Variants in LINGO1 observed in about 807,000 individuals in gnomAD.
The protein encoded by LINGO1 is leucine-rich repeat and immunoglobulin-like domain-containing nogo receptor-interacting protein 1.
A neutral mutation model predicts 37.3 loss-of-function variants in LINGO1; 11 were observed. That is an observed-to-expected ratio of 0.29 (90% confidence interval 0.19 to 0.49). The LOEUF (loss-of-function observed/expected upper bound fraction) is 0.49, where lower values mean the gene tolerates loss of function less well. Ranked by LOEUF, LINGO1 falls within the 20% of genes least tolerant of loss-of-function variation. The pLI is 0.99. For missense variants in LINGO1, 585 were observed against 878.2 expected (o/e 0.67, Z 4.22); for synonymous variants, 387 against 403.0 (o/e 0.96, Z 0.48).
At chr15:77,619,081 G>A (rs887539860) in intron 1 of LINGO1, among the ~76,000 whole-genome samples, 6 of 152,224 alleles carry the variant, frequency 3.9e-5, no homozygotes, top group African/African-American at 1.4e-4. Context: ...GAGCTTCCTA[G>A]TGACCTTGAG....
At chr15:77,693,845 C>A (rs1312057733) in intron 1 of LINGO1, among the ~76,000 whole-genome samples, 2 of 152,084 alleles carry the variant, frequency 1.3e-5, no homozygotes, top group Non-Finnish European at 2.9e-5. Flanking sequence ...GGAGCTTCTA[C>A]CATAGACAAG....
intron 1 of LINGO1, among the ~76,000 whole-genome samples, chr15:77,812,800 T>C (rs1426291978): frequency 6.6e-6 from 1 of 152,360 alleles, no homozygotes; most frequent in East Asian, 1.9e-4. Context: ...GGCTAGTGAC[T>C]GGGTGGCCCC....
intron 3 of LINGO1, among the ~76,000 whole-genome samples, chr15:77,654,089 C>T (rs2074818457): frequency 6.6e-6 from 1 of 152,212 alleles, no homozygotes; most frequent in South Asian, 2.1e-4. Context: ...CAAGAGAAGG[C>T]TTTAAGACCC....
intron 1 of LINGO1, among the ~76,000 whole-genome samples, chr15:77,776,498 C>CAGGAAGGGAGGAAGGGAGGGAGGG (rs2076648229): frequency 1.6e-5 from 1 of 61,026 alleles, no homozygotes; most frequent in African/African-American, 7.6e-5. Flanking sequence ...AGCAGGAAGG[C>CAGGAAGGGAGGAAGGGAGGGAGGG]AGGAAGGCAG....
chr15:77,770,390 C>G (rs1024689399), intron 1 of LINGO1, among the ~76,000 whole-genome samples: 4 of 152,058 alleles, frequency 2.6e-5, no homozygotes, highest in Admixed American at 2.0e-4. Flanking sequence ...GAGTTCGAGA[C>G]CAGCCTGACC....
At position 77,719,245 on chromosome 15, in the gene LINGO1, C is replaced by A. The variant is rs1224121615; in HGVS notation, c.-195+15747G>T. On this transcript the variant is annotated intron_variant, in intron 2 of 3. Transcript: ENST00000561686. ...GCAGTGACAGGACTGAGCGGCTCCC[C>A]AGGCCTGGGGTGGCTGGGTGGTGGA... Among the ~76,000 whole-genome samples the A allele has an allele frequency of 2.0e-5, 3 of 150,102 alleles. 1 individual carries two copies. Among genetic ancestry groups the A allele is most frequent in the Non-Finnish European group, 4.5e-5 (3 of 67,378 alleles).
chr15:77,703,253 A>C (rs1475186684), intron 2 of LINGO1, among the ~76,000 whole-genome samples: 1 of 152,120 alleles, frequency 6.6e-6, no homozygotes, highest in Non-Finnish European at 1.5e-5. Context: ...TTTCCAAATG[A>C]CTCACAAATG....
intron 3 of LINGO1, among the ~76,000 whole-genome samples, chr15:77,654,879 G>A (rs1264577979): frequency 2.0e-5 from 3 of 152,202 alleles, no homozygotes; most frequent in Admixed American, 6.5e-5. Context: ...CTTGGGCTCT[G>A]TTGCTATTGG....
rs148614712 is a variant in LINGO1 at position 77,623,240 on chromosome 15, G to A, written c.7-7340C>T. ...ACATTTTCCACAGGCCAAGGAAGAGGCAGGGGGAGGGCATTTCCACAAAGG... is the reference window on the plus strand; with the variant it reads ...ACATTTTCCACAGGCCAAGGAAGAGACAGGGGGAGGGCATTTCCACAAAGG... On this transcript the variant is annotated intron_variant, in intron 1 of 1. Transcript: ENST00000355300. Among the ~76,000 whole-genome samples the A allele has an allele frequency of 2.6e-5, 4 of 152,326 alleles. No individual in the cohort carries two copies. The East Asian group carries it at 7.7e-4, about 29-fold the overall frequency.
At chr15:77,749,053 G>A (rs934463165) in intron 1 of LINGO1, among the ~76,000 whole-genome samples, 3 of 151,216 alleles carry the variant, frequency 2.0e-5, no homozygotes, top group Non-Finnish European at 2.9e-5. Flanking sequence ...GATTACAGGC[G>A]CACACTACCA....
At chr15:77,796,737 A>C (rs2076877029) in intron 1 of LINGO1, among the ~76,000 whole-genome samples, 4 of 148,524 alleles carry the variant, frequency 2.7e-5, no homozygotes, top group African/African-American at 7.5e-5. Flanking sequence ...AAAGAGGCAG[A>C]GTCTTGCTCT....
chr15:77,805,118 G>A (rs1002805354), intron 1 of LINGO1, among the ~76,000 whole-genome samples: 1 of 152,230 alleles, frequency 6.6e-6, no homozygotes. Context: ...AATGCACCTT[G>A]TCCCCCTTGG....
intron 2 of LINGO1, among the ~76,000 whole-genome samples, chr15:77,687,563 A>G (rs1256618294): frequency 6.6e-6 from 1 of 152,210 alleles, no homozygotes; most frequent in Non-Finnish European, 1.5e-5. Flanking sequence ...GCCCTAGCAG[A>G]AGTGGCTCGA....
intron 1 of LINGO1, among the ~76,000 whole-genome samples, chr15:77,735,536 C>T (rs1381106253): frequency 6.6e-6 from 1 of 152,200 alleles, no homozygotes; most frequent in Non-Finnish European, 1.5e-5. Context: ...GAGGTCTTTA[C>T]CTGGGCCCAG....
chr15:77,632,809 A>ACCG lies in LINGO1; in HGVS notation c.-497_-495dup, dbSNP rs915222799. Reference sequence around the variant, plus strand: ...CCCTCCGGGGCCGGGACCAGGACCCACCGCCGCCGCCGCCGCCTGCGCTGT... The same window carrying ACCG: ...CCCTCCGGGGCCGGGACCAGGACCCACCGCCGCCGCCGCCGCCGCCTGCGCTGT... On this transcript the variant is annotated 5_prime_UTR_variant, in exon 1 of 2. Transcript: ENST00000355300. This position sits in a 1 kb window ranked among gnomAD's most constrained non-coding sequence, Gnocchi z 6.0. Among the ~76,000 whole-genome samples, 16 of 145,542 alleles carry ACCG rather than the reference A, an allele frequency of 1.1e-4. No homozygotes were observed. Among genetic ancestry groups the ACCG allele is most frequent in the South Asian group, 4.3e-4 (2 of 4,692 alleles).
At chr15:77,736,062 A>G (rs1427830142) in intron 1 of LINGO1, among the ~76,000 whole-genome samples, 1 of 152,238 alleles carries the variant, frequency 6.6e-6, no homozygotes. Context: ...TTCTCTTTTT[A>G]AGAGGTTCAA....
At chr15:77,617,847 A>C (rs551755860) in intron 1 of LINGO1, among the ~76,000 whole-genome samples, 4 of 152,352 alleles carry the variant, frequency 2.6e-5, no homozygotes, top group African/African-American at 9.6e-5. Context: ...GATTAAGCAG[A>C]GAGGATTCAG....
At chr15:77,726,819 T>C (rs28676831) in intron 2 of LINGO1, among the ~76,000 whole-genome samples, 17,045 of 152,238 alleles carry the variant, frequency 0.11, 1,143 homozygotes, top group African/African-American at 0.18. Flanking sequence ...ACCTACAGAA[T>C]GGGAGGAAAT....
chr15:77,622,103 C>T (rs899404003), intron 1 of LINGO1, among the ~76,000 whole-genome samples: 1 of 152,034 alleles, frequency 6.6e-6, no homozygotes, highest in South Asian at 2.1e-4. Context: ...AGAGAGGGAG[C>T]GGGGAGGATG....
Sources: allele counts gnomAD v4.1 joint callset (sites outside exome capture counted in the v4.1 genomes callset), GRCh38; gene constraint gnomAD v4.1.1; non-coding constraint Gnocchi (gnomAD v3.1); transcripts MANE v1.5; gene names NCBI Gene and HGNC (gene_info 2026-07-23, HGNC 2026-07-21).